Variants in GPR155 observed in about 807,000 individuals in gnomAD.
GPR155 encodes the protein G protein-coupled receptor 155.
GPR155 carries 65 observed loss-of-function variants against 93.1 expected under a neutral mutation model. The observed-to-expected ratio is 0.70, with a 90% CI of 0.57 to 0.86. The LOEUF (loss-of-function observed/expected upper bound fraction) is 0.86. Ranked by LOEUF, GPR155 falls within the 40% of genes least tolerant of loss-of-function variation. The pLI is 0.00. For missense variants in GPR155, 838 were observed against 1,034.8 expected (o/e 0.81, Z 2.61); for synonymous variants, 319 against 360.1 (o/e 0.89, Z 1.29).
At chr2:174,470,058 C>T (rs1222188580) in intron 4 of GPR155, among the ~76,000 whole-genome samples, 2 of 152,190 alleles carry the variant, frequency 1.3e-5, no homozygotes, top group Non-Finnish European at 2.9e-5. Flanking sequence ...GACAGGGTTT[C>T]GCCATGTTGG....
intron 1 of GPR155, 30 bp from the exon 2 acceptor site, chr2:174,482,017 G>A: frequency 8.9e-7 from 1 of 1,129,696 alleles, no homozygotes; most frequent in Non-Finnish European, 1.3e-6. Context: ...GATTCAGTAT[G>A]GCCATCAACA....
intron 1 of GPR155, among the ~76,000 whole-genome samples, chr2:174,483,439 T>C (rs773711664): frequency 1.3e-5 from 2 of 152,172 alleles, no homozygotes; most frequent in African/African-American, 4.8e-5. Context: ...TGCTAAAGCA[T>C]GGAACAAATT....
In GPR155 at chr2:174,435,390, G is replaced by A. The variant is rs1309474702; in HGVS notation, c.*726C>T. The A allele has an allele frequency of 6.6e-6, 1 of 152,174 alleles. No homozygotes were observed. Among genetic ancestry groups the A allele is most frequent in the Non-Finnish European group, 1.5e-5 (1 of 68,036 alleles). 9.4% of individuals were successfully genotyped at this position (152,174 alleles called of 1,614,324 possible). ...ATTTACATTGTATTAGGCATTATAA[G>A]TATCTAAAGATGATTAAACTATATG... On this transcript the variant is annotated 3_prime_UTR_variant, in exon 16 of 16. Transcript: ENST00000392552.
In GPR155 at chr2:174,432,941, T is replaced by C. The variant is rs1386146735; in HGVS notation, c.*3175A>G. 2.0e-5 allele frequency: 3 copies of C among 151,940 alleles called. No homozygotes were observed. The highest frequency in any genetic ancestry group is 7.3e-5 in the African/African-American group (3 of 41,316). The allele number at this position is 151,940 out of a possible 1,614,324, so 9.4% of individuals were successfully genotyped here. A position where few individuals can be genotyped will look rare whatever the true frequency, so the allele number is the denominator to read the frequency against. The stretch of plus-strand genomic sequence containing the variant: ...ACCACGTCTGGCTAATTTTTTGTAT[T>C]TTTAGTAGAGACGGGATTTCACCGC... On this transcript the variant is annotated 3_prime_UTR_variant, in exon 16 of 16. Coordinates refer to ENST00000392552, the MANE Select transcript of GPR155 (RefSeq NM_152529.7).
intron 15 of GPR155, among the ~76,000 whole-genome samples, chr2:174,437,577 CTTTTTTTTTT>C (rs397871619): frequency 9.3e-6 from 1 of 107,960 alleles, no homozygotes; most frequent in African/African-American, 3.8e-5. Flanking sequence ...GGCCTAACAC[CTTTTTTTTTT>C]TTTTTTTTTT....
intron 10 of GPR155, 108 bp from the exon 11 acceptor site, chr2:174,453,949 C>T: frequency 1.4e-6 from 1 of 718,592 alleles, no homozygotes. Context: ...ACACACTTCC[C>T]ATGTAGCCTC....
At position 174,435,415 on chromosome 2, in the gene GPR155, G is replaced by A. The variant is rs1020572426; in HGVS notation, c.*701C>T. On this transcript the variant is annotated 3_prime_UTR_variant, in exon 16 of 16. Coordinates refer to ENST00000392552, the MANE Select transcript of GPR155 (RefSeq NM_152529.7). The stretch of plus-strand genomic sequence containing the variant: ...GTATCTAAAGATGATTAAACTATAT[G>A]GGAGAATGTGCATAGGTTATATGCA... The A allele has an allele frequency of 3.3e-5, 5 of 152,018 alleles. No individual in the cohort carries two copies. The highest frequency in any genetic ancestry group is 7.4e-5 in the Non-Finnish European group (5 of 67,992). The allele number at this position is 152,018 out of a possible 1,614,324, so 9.4% of individuals were successfully genotyped here. A position where few individuals can be genotyped will look rare whatever the true frequency, so the allele number is the denominator to read the frequency against.
chr2:174,454,484 C>A (rs1687429011), intron 10 of GPR155, among the ~76,000 whole-genome samples: 1 of 152,040 alleles, frequency 6.6e-6, no homozygotes, highest in African/African-American at 2.4e-5. Context: ...AAGACTCTGT[C>A]TTTACAAAAA....
intron 2 of GPR155, among the ~76,000 whole-genome samples, chr2:174,475,933 T>G (rs1486243163): frequency 1.3e-5 from 2 of 152,226 alleles, no homozygotes; most frequent in Non-Finnish European, 2.9e-5. Flanking sequence ...TTCTGTGATC[T>G]ACTCAAAGCC....
chr2:174,476,941 C>G (rs746123890), intron 2 of GPR155, among the ~76,000 whole-genome samples: 36 of 152,128 alleles, frequency 2.4e-4, no homozygotes, highest in Non-Finnish European at 2.8e-4. Context: ...ATACTAGTGC[C>G]ACCTCAACAA....
chr2:174,436,075 G>A lies in GPR155; in HGVS notation c.*41C>T, dbSNP rs764433905. The A allele has an allele frequency of 5.2e-6, 8 of 1,536,134 alleles. No individual in the cohort carries two copies. The highest frequency in any genetic ancestry group is 3.5e-5 in the Admixed American group (2 of 57,698). ...CCCAGCTAAAAACTAATGAATACGC[G>A]GCTAGAATATGATTCCATGTAGGGT... On this transcript the variant is annotated 3_prime_UTR_variant, in exon 16 of 16. Coordinates refer to ENST00000392552, the MANE Select transcript of GPR155 (RefSeq NM_152529.7).
chr2:174,461,796 G>C, intron 7 of GPR155, 124 bp from the exon 8 acceptor site: 1 of 607,350 alleles, frequency 1.6e-6, no homozygotes, highest in Non-Finnish European at 2.9e-6. Context: ...TTTTGCTTTA[G>C]AATTTCTTCC....
rs1686680968 is a variant in GPR155 at position 174,433,029 on chromosome 2, C to G, written c.*3087G>C. On this transcript the variant is annotated 3_prime_UTR_variant, in exon 16 of 16. Coordinates refer to ENST00000392552, the MANE Select transcript of GPR155 (RefSeq NM_152529.7). ...CCGCCAGCCTCGACCTCCCAAAGTG[C>G]TGGGATTGCAGGTATGAACCACCGC... The G allele has an allele frequency of 6.6e-6, 1 of 151,834 alleles. No individual in the cohort carries two copies. The highest frequency in any genetic ancestry group is 2.1e-4 in the South Asian group (1 of 4,822). 9.4% of individuals were successfully genotyped at this position (151,834 alleles called of 1,614,324 possible).
At chr2:174,471,571 T>G (rs1256730482) in intron 3 of GPR155, among the ~76,000 whole-genome samples, 1 of 151,524 alleles carries the variant, frequency 6.6e-6, no homozygotes, top group Non-Finnish European at 1.5e-5. Context: ...ATTAAACAAA[T>G]TTTTCAGGAT....
intron 11 of GPR155, among the ~76,000 whole-genome samples, chr2:174,450,453 C>T (rs530793774): frequency 1.3e-5 from 2 of 152,204 alleles, no homozygotes; most frequent in South Asian, 4.1e-4. Context: ...CAAAACTGCA[C>T]ACGTACCCAC....
At chr2:174,482,963 G>A (rs1029059509) in intron 1 of GPR155, 1 of 151,910 alleles carries the variant, frequency 6.6e-6, no homozygotes, top group Non-Finnish European at 1.5e-5. Flanking sequence ...ATAACTTTTG[G>A]TAGAACATGA....
intron 9 of GPR155, 65 bp from the exon 10 acceptor site, chr2:174,460,153 C>CTTTTTTT (rs1559109134): frequency 3.6e-6 from 2 of 554,618 alleles, no homozygotes; most frequent in African/African-American, 5.3e-5. Context: ...TCTTAGGGCA[C>CTTTTTTT]ATTTTTTTTT....
At chr2:174,445,894 TC>T (rs1687105787) in intron 12 of GPR155, among the ~76,000 whole-genome samples, 1 of 148,682 alleles carries the variant, frequency 6.7e-6, no homozygotes, top group Non-Finnish European at 1.5e-5. Context: ...TTTTTGGTTT[TC>T]TTTTTTTTTT....
chr2:174,471,672 C>A (rs1688003010), intron 3 of GPR155, among the ~76,000 whole-genome samples: 1 of 152,072 alleles, frequency 6.6e-6, no homozygotes, highest in African/African-American at 2.4e-5. Context: ...TTCACAGCAG[C>A]ACCTAGCAAG....
Sources: gnomAD v4.1 joint callset for allele counts (sites outside exome capture counted in the v4.1 genomes callset) on GRCh38, gnomAD v4.1.1 for gene constraint, MANE v1.5 for transcripts, NCBI Gene and HGNC (gene_info 2026-07-23, HGNC 2026-07-21) for gene names.